The following CDH4 variants were observed in gnomAD, a reference collection of about 807,000 sequenced individuals.
CDH4 encodes the protein cadherin 4.
A neutral mutation model predicts 86.0 loss-of-function variants in CDH4; 33 were observed. That is an observed-to-expected ratio of 0.38 (90% CI 0.29 to 0.51). The LOEUF is 0.51. Among genes scored for constraint, CDH4 ranks in the 20% least tolerant of loss-of-function variants. The probability of loss-of-function intolerance (pLI) is 0.86; values close to 1 mark genes in which losing one functional copy is unlikely to be tolerated. For missense variants in CDH4, 1,114 were observed against 1,307.4 expected, an observed-to-expected ratio of 0.85 and a Z score of 2.28; for synonymous variants, 555 against 549.4, an observed-to-expected ratio of 1.01 and a Z score of -0.14.
chr20:61,272,081 A>T (rs1031357323), intron 2 of CDH4, among the ~76,000 whole-genome samples: 2 of 152,136 alleles, frequency 1.3e-5, no homozygotes, highest in Admixed American at 1.3e-4. Flanking sequence ...TCCTTTTACA[A>T]AAGAAGCCCC....
chr20:61,359,725 A>G (rs28434635), intron 2 of CDH4, among the ~76,000 whole-genome samples: 34,686 of 152,210 alleles, frequency 0.23, 4,491 homozygotes, highest in East Asian at 0.34. Context: ...CATTCTGCAC[A>G]AACTGCTCCC....
rs2086399430 is a variant in CDH4, at chr20:61,578,284, G to GA, written c.170-165277dup. 2.6e-5 allele frequency among the ~76,000 whole-genome samples: 4 copies of GA among 152,166 alleles called. No homozygotes were observed. In the South Asian group the frequency reaches 6.2e-4, roughly 24 times the overall value. ...AGGGAGAGGCCAGGGCACTGGGGGG[G>GA]AATGACACACTGCCATTGAGAGTTA... On this transcript the variant is annotated intron_variant, in intron 2 of 15. Coordinates refer to ENST00000614565, the MANE Select transcript of CDH4 (RefSeq NM_001794.5).
intron 2 of CDH4, among the ~76,000 whole-genome samples, chr20:61,363,868 C>T (rs548078948): frequency 5.3e-5 from 8 of 152,152 alleles, no homozygotes; most frequent in Non-Finnish European, 1.0e-4. Flanking sequence ...TTTTCAACTT[C>T]ATGATGATGT....
intron 2 of CDH4, among the ~76,000 whole-genome samples, chr20:61,374,993 C>G (rs1026052523): frequency 3.3e-5 from 5 of 152,202 alleles, no homozygotes; most frequent in Non-Finnish European, 7.3e-5. Context: ...TACCTATAAC[C>G]CGGAAGCACT....
chr20:61,779,048 C>T (rs969335303), intron 4 of CDH4, among the ~76,000 whole-genome samples: 2 of 152,234 alleles, frequency 1.3e-5, no homozygotes, highest in African/African-American at 2.4e-5. Flanking sequence ...TACACAGGCA[C>T]ATTCTTAAAG....
intron 2 of CDH4, among the ~76,000 whole-genome samples, chr20:61,273,362 CCGTGTG>C (rs2084197376): frequency 5.1e-5 from 6 of 118,808 alleles, no homozygotes; most frequent in Non-Finnish European, 6.7e-5. Flanking sequence ...TGGGGGAGTA[CCGTGTG>C]CAGTTTAGGG....
At chr20:61,413,578 T>A (rs2085131461) in intron 2 of CDH4, among the ~76,000 whole-genome samples, 1 of 152,214 alleles carries the variant, frequency 6.6e-6, no homozygotes, top group Non-Finnish European at 1.5e-5. Flanking sequence ...CCCGCACAAC[T>A]GCCACGCCCT....
At chr20:61,920,380 C>T (rs866783258) in intron 9 of CDH4, among the ~76,000 whole-genome samples, 130 of 60,454 alleles carry the variant, frequency 2.2e-3, no homozygotes, top group African/African-American at 8.6e-3. Context: ...TGATTGGAAG[C>T]GTGGTGTCGC....
intron 2 of CDH4, among the ~76,000 whole-genome samples, chr20:61,526,196 A>G (rs2085909044): frequency 6.7e-6 from 1 of 148,604 alleles, no homozygotes; most frequent in Non-Finnish European, 1.5e-5. Flanking sequence ...GGTTCTGTCC[A>G]GCATTTCAGA....
intron 2 of CDH4, among the ~76,000 whole-genome samples, chr20:61,461,621 G>C (rs1279228008): frequency 1.3e-5 from 2 of 152,100 alleles, no homozygotes; most frequent in Non-Finnish European, 2.9e-5. Flanking sequence ...GAGGTGGCCC[G>C]CAACGGGGGA....
chr20:61,837,754 A>G (rs1981944504), intron 4 of CDH4, among the ~76,000 whole-genome samples: 1 of 90,996 alleles, frequency 1.1e-5, no homozygotes, highest in Admixed American at 9.9e-5. Context: ...TGAGGGGAGA[A>G]CAGAGCACCC....
intron 13 of CDH4, among the ~76,000 whole-genome samples, chr20:61,930,154 G>A (rs754751820): frequency 9.9e-5 from 15 of 152,176 alleles, no homozygotes; most frequent in Admixed American, 3.9e-4. Flanking sequence ...GACCTGTGAC[G>A]CCTGTGGGCA....
chr20:61,438,631 T>C (rs2085298198), intron 2 of CDH4, among the ~76,000 whole-genome samples: 1 of 152,224 alleles, frequency 6.6e-6, no homozygotes, highest in Non-Finnish European at 1.5e-5. Flanking sequence ...GTCAGAACTT[T>C]ATTTGAGTGG....
At chr20:61,763,257 G>T (rs375800515) in intron 3 of CDH4, among the ~76,000 whole-genome samples, 1 of 151,654 alleles carries the variant, frequency 6.6e-6, no homozygotes, top group African/African-American at 2.4e-5. Flanking sequence ...AGGGATGCTC[G>T]CTCTTCCTCA....
At chr20:61,691,887 T>C (rs555881107) in intron 2 of CDH4, among the ~76,000 whole-genome samples, 2 of 152,366 alleles carry the variant, frequency 1.3e-5, no homozygotes, top group East Asian at 3.9e-4. Context: ...TGTATGTGTA[T>C]ATATGCATGT....
intron 2 of CDH4, among the ~76,000 whole-genome samples, chr20:61,426,559 G>A (rs548528269): frequency 1.3e-5 from 2 of 152,324 alleles, no homozygotes; most frequent in Admixed American, 6.5e-5. Context: ...CCCGTCACCT[G>A]CCTTTCCGCT....
At chr20:61,375,930 GAT>G (rs2084867622) in intron 2 of CDH4, among the ~76,000 whole-genome samples, 1 of 91,396 alleles carries the variant, frequency 1.1e-5, no homozygotes, top group Non-Finnish European at 2.4e-5. Context: ...TGGTGCTGGT[GAT>G]GATGGTGGTG....
At chr20:61,630,294 G>A (rs2086874003) in intron 2 of CDH4, among the ~76,000 whole-genome samples, 1 of 152,196 alleles carries the variant, frequency 6.6e-6, no homozygotes, top group African/African-American at 2.4e-5. Flanking sequence ...ATACACCTGG[G>A]AGTAGGACTT....
At chr20:61,626,224 G>A (rs919907702) in intron 2 of CDH4, among the ~76,000 whole-genome samples, 5 of 152,178 alleles carry the variant, frequency 3.3e-5, no homozygotes, top group Non-Finnish European at 5.9e-5. Context: ...AGGGAACGGC[G>A]GAGCAGGCCA....
Sources: gnomAD v4.1 joint callset for allele counts (sites outside exome capture counted in the v4.1 genomes callset) on GRCh38, gnomAD v4.1.1 for gene constraint, MANE v1.5 for transcripts, NCBI Gene and HGNC (gene_info 2026-07-23, HGNC 2026-07-21) for gene names.